The following SORBS3 variants were observed in gnomAD, a reference collection of about 807,000 sequenced individuals.
SORBS3 encodes the protein vinexin.
SORBS3 carries 69 observed loss-of-function variants against 98.0 expected under a neutral mutation model. The ratio of observed to expected loss-of-function variants is 0.70; its 90% confidence interval spans 0.58 to 0.86. The LOEUF (loss-of-function observed/expected upper bound fraction) is 0.86, where lower values mean the gene tolerates loss of function less well. Among genes scored for constraint, SORBS3 ranks in the 40% least tolerant of loss-of-function variants. The pLI, the probability that SORBS3 is intolerant of heterozygous loss-of-function variation, is 0.00. For missense variants in SORBS3, 954 were observed against 908.5 expected, an observed-to-expected ratio of 1.05 and a Z score of -0.64; for synonymous variants, 394 against 355.4, an observed-to-expected ratio of 1.11 and a Z score of -1.22.
At chr8:22,568,174 A>T (rs1042398999) in intron 16 of SORBS3, among the ~76,000 whole-genome samples, 2 of 152,008 alleles carry the variant, frequency 1.3e-5, no homozygotes, top group Non-Finnish European at 2.9e-5. Context: ...TTCATTCCTG[A>T]TGTTGGCAAT....
chr8:22,571,779 TG>T lies in SORBS3; in HGVS notation c.1809del (p.Thr604ProfsTer126). 1 of 1,613,782 alleles carries T rather than the reference TG, an allele frequency of 6.2e-7. No homozygotes were observed. The highest frequency in any genetic ancestry group is 1.1e-5 in the South Asian group (1 of 91,074). On this transcript the variant is annotated frameshift_variant, in exon 19 of 21. Coordinates refer to ENST00000240123, the MANE Select transcript of SORBS3 (RefSeq NM_005775.5). LOFTEE classifies it high-confidence loss of function. ...HSRGPSHPLDLGTSSPNTSQI... is the reference protein window; with the variant it reads ...HSRGPSHPLDXGTSSPNTSQI... ...CGAGGTCCCAGCCATCCCCTGGACC[TG>T]GGGACCTCCTCTCCTAACACCTCTC...
intron 3 of SORBS3, 122 bp downstream of exon 3, chr8:22,555,102 T>G: frequency 6.3e-6 from 5 of 798,250 alleles, no homozygotes; most frequent in Non-Finnish European, 1.0e-5. Flanking sequence ...CATGAGGAGG[T>G]TCCTCAGAGG....
In SORBS3 at chr8:22,556,766, G is replaced by A. The variant is rs970911022; in HGVS notation, c.272G>A (p.Ser91Asn). 1 of 1,613,812 alleles carries A rather than the reference G, an allele frequency of 6.2e-7. No homozygotes were observed. Among genetic ancestry groups the A allele is most frequent in the Non-Finnish European group, 8.5e-7 (1 of 1,180,044 alleles). ...WPGPGSKPSA[S>N]TKIPASQHTQ... ...GGCCCTGGGAGCAAGCCCTCTGCAA[G>A]CACAAAGATCCCTGCCTCCCAGCAC... The change falls in exon 4 of 21, where the codon AGC becomes AAC. Residue 91 changes from serine (S) to asparagine (N), a missense_variant. By Grantham distance (46) the Ser-to-Asn change is conservative. Coordinates refer to ENST00000240123, the MANE Select transcript of SORBS3 (RefSeq NM_005775.5).
chr8:22,556,900 C>T lies in SORBS3; in HGVS notation c.406C>T (p.Pro136Ser). Reference protein sequence around the residue: ...PVDESGMPIAPRSSVDRPRDW... With the variant: ...PVDESGMPIASRSSVDRPRDW... ...GGACGAGAGCGGCATGCCCATTGCC[C>T]CCCGATCCGTGAGTCCAGGGCTGGG... Residue 136 changes from proline to serine, a missense_variant, in exon 4 of 21, where the codon CCC (proline) becomes TCC (serine). Physicochemically the swap from Pro to Ser is moderately conservative, Grantham distance 74 (BLOSUM62 -1). Coordinates refer to ENST00000240123, the MANE Select transcript of SORBS3 (RefSeq NM_005775.5). 6.2e-7 allele frequency: 1 copy of T among 1,612,696 alleles called. No individual in the cohort carries two copies. The highest frequency in any genetic ancestry group is 8.5e-7 in the Non-Finnish European group (1 of 1,180,032).
At chr8:22,567,991 G>A (rs1840470412) in intron 16 of SORBS3, among the ~76,000 whole-genome samples, 1 of 152,122 alleles carries the variant, frequency 6.6e-6, no homozygotes, top group South Asian at 2.1e-4. Context: ...GGGACTACAG[G>A]AATGCGCCAC....
At position 22,561,904 on chromosome 8, in the gene SORBS3, G is replaced by T. The variant is rs1176132006; in HGVS notation, c.557G>T (p.Arg186Met). 6.2e-7 allele frequency: 1 copy of T among 1,614,086 alleles called. No homozygotes were observed. ...GGAGCCCAGCAAAGACCTGCCCACA[G>T]GCCCGGCCCGGCAACATCTTCCAGT... ...HLGAQQRPAH[R>M]PGPATSSSGR... is the part of the protein sequence containing the mutation. The change falls in exon 7 of 21, where the codon AGG becomes ATG. Residue 186 changes from arginine to methionine, a missense_variant. Transcript: ENST00000240123.
chr8:22,556,112 C>T (rs116972760), intron 3 of SORBS3, among the ~76,000 whole-genome samples: 4 of 152,312 alleles, frequency 2.6e-5, no homozygotes, highest in Admixed American at 2.6e-4. Context: ...GCCCTAGCTA[C>T]TTAGAGGCTA....
upstream of SORBS3, among the ~76,000 whole-genome samples, chr8:22,550,288 G>A (rs1840061442): frequency 6.6e-6 from 1 of 152,184 alleles, no homozygotes; most frequent in Non-Finnish European, 1.5e-5. Flanking sequence ...GTTCTTGGAA[G>A]GAGTCTTCAA....
chr8:22,549,613 G>A (rs959004186), upstream of SORBS3, among the ~76,000 whole-genome samples: 4 of 152,206 alleles, frequency 2.6e-5, no homozygotes, highest in African/African-American at 4.8e-5. Flanking sequence ...TGGGCACCAC[G>A]GAACATGGTG....
intron 12 of SORBS3, 51 bp from the exon 13 acceptor site, chr8:22,566,294 G>T: frequency 6.3e-7 from 1 of 1,590,034 alleles, no homozygotes; most frequent in Non-Finnish European, 8.5e-7. Flanking sequence ...GGGTGACCAG[G>T]GTGGGGTGCG....
upstream of SORBS3, among the ~76,000 whole-genome samples, chr8:22,547,950 C>A (rs1318041628): frequency 6.6e-6 from 1 of 152,044 alleles, no homozygotes; most frequent in Admixed American, 6.5e-5. Flanking sequence ...GCCCTGAGAA[C>A]CCAGAATAGA....
intron 19 of SORBS3, 33 bp downstream of exon 19, chr8:22,571,854 T>TGG (rs537010962): frequency 6.8e-7 from 1 of 1,462,080 alleles, no homozygotes. Context: ...TGATCAGACG[T>TGG]GGGGGGGGTC....
intron 3 of SORBS3, among the ~76,000 whole-genome samples, chr8:22,555,631 A>C (rs1840169055): frequency 6.6e-6 from 1 of 152,120 alleles, no homozygotes; most frequent in Admixed American, 6.5e-5. Flanking sequence ...TGTGTGGATG[A>C]CCTGAGGTCA....
chr8:22,566,240 G>A, intron 12 of SORBS3, 105 bp from the exon 13 acceptor site: 1 of 1,402,920 alleles, frequency 7.1e-7, no homozygotes, highest in Non-Finnish European at 9.5e-7. Flanking sequence ...CGCCCTGGGA[G>A]GAGGTGGCAG....
At chr8:22,564,963 A>G in intron 10 of SORBS3, 4 of 1,323,402 alleles carry the variant, frequency 3.0e-6, no homozygotes, top group Non-Finnish European at 3.9e-6. Context: ...GGGAGAGGAA[A>G]TGGGGAACCC....
At chr8:22,551,365 G>A (rs1371963518), upstream of SORBS3, among the ~76,000 whole-genome samples, 1 of 152,088 alleles carries the variant, frequency 6.6e-6, no homozygotes, top group African/African-American at 2.4e-5. This position sits in a 1 kb window ranked among gnomAD's most constrained non-coding sequence, Gnocchi z 5.8. Context: ...CCTGCGGGGC[G>A]CCCTCATCTC....
At chr8:22,558,276 C>A in intron 5 of SORBS3, 84 bp downstream of exon 5, 2 of 1,299,306 alleles carry the variant, frequency 1.5e-6, no homozygotes, top group Non-Finnish European at 2.2e-6. Context: ...GAAAAGGGGA[C>A]TTAGCTGCTC....
chr8:22,564,478 C>T lies in SORBS3; in HGVS notation c.773C>T (p.Pro258Leu), dbSNP rs148709928. ...ELETGQRPKK[P>L]LVDDPGEKPS... Reference sequence around the variant, plus strand: ...CTTTCTACCCTTCAGCCCAAGAAACCGCTGGTGGACGACCCTGGTGAGAAG... The same window carrying T: ...CTTTCTACCCTTCAGCCCAAGAAACTGCTGGTGGACGACCCTGGTGAGAAG... The change falls in exon 10 of 21, where the codon CCG (proline) becomes CTG (leucine). Residue 258 changes from proline (P) to leucine (L), a missense_variant. Pro to Leu is a moderately conservative substitution (Grantham distance 98). Coordinates refer to ENST00000240123, the MANE Select transcript of SORBS3 (RefSeq NM_005775.5). 31 of 1,614,074 alleles carry T rather than the reference C, an allele frequency of 1.9e-5. No homozygotes were observed. The highest frequency in any genetic ancestry group is 1.6e-4 in the Middle Eastern group (1 of 6,062).
chr8:22,569,062 CT>C, intron 16 of SORBS3, 85 bp from the exon 17 acceptor site: 1 of 1,393,830 alleles, frequency 7.2e-7, no homozygotes, highest in Non-Finnish European at 9.5e-7. Flanking sequence ...GCGGGCCCAC[CT>C]TCTCTTTGCT....
Sources: allele counts gnomAD v4.1 joint callset (sites outside exome capture counted in the v4.1 genomes callset), GRCh38; gene constraint gnomAD v4.1.1; non-coding constraint Gnocchi (gnomAD v3.1); transcripts MANE v1.5; gene names NCBI Gene and HGNC (gene_info 2026-07-23, HGNC 2026-07-21).